The following SLIT2 variants were observed in gnomAD, a reference collection of about 807,000 sequenced individuals.
The protein encoded by SLIT2 is slit homolog 2 protein.
SLIT2 carries 41 observed loss-of-function variants against 185.7 expected under a neutral mutation model. The observed-to-expected ratio is 0.22, with a 90% CI of 0.17 to 0.29. The LOEUF (loss-of-function observed/expected upper bound fraction) is 0.29, where lower values mean the gene tolerates loss of function less well. Ranked by LOEUF, SLIT2 falls within the 10% of genes least tolerant of loss-of-function variation. The pLI is 1.00. For synonymous variants in SLIT2, 693 were observed against 680.2 expected (o/e 1.02, Z -0.29); for missense variants, 1,571 against 1,909.0 (o/e 0.82, Z 3.30).
chr4:20,551,604 G>A (rs1560188464), intron 25 of SLIT2, among the ~76,000 whole-genome samples: 1 of 152,136 alleles, frequency 6.6e-6, no homozygotes, highest in Non-Finnish European at 1.5e-5. Context: ...TCAGCCAGCA[G>A]CCTTAGGATC....
At chr4:20,299,721 C>T (rs751065101) in intron 4 of SLIT2, among the ~76,000 whole-genome samples, 3 of 151,382 alleles carry the variant, frequency 2.0e-5, no homozygotes, top group South Asian at 2.1e-4. Context: ...TTTTAAGGCC[C>T]GACAGGGGGA....
At chr4:20,363,535 A>G (rs965863824) in intron 4 of SLIT2, among the ~76,000 whole-genome samples, 1 of 152,222 alleles carries the variant, frequency 6.6e-6, no homozygotes, top group Non-Finnish European at 1.5e-5. Flanking sequence ...TTCTTACAAC[A>G]CAGCAATGTA....
chr4:20,421,443 C>T (rs1028554377), intron 4 of SLIT2, among the ~76,000 whole-genome samples: 5 of 152,144 alleles, frequency 3.3e-5, no homozygotes, highest in African/African-American at 1.2e-4. Context: ...TATGTCTCTT[C>T]TTCATTGTTG....
chr4:20,445,573 C>A (rs1711674049), intron 4 of SLIT2, among the ~76,000 whole-genome samples: 1 of 152,188 alleles, frequency 6.6e-6, no homozygotes, highest in South Asian at 2.1e-4. Flanking sequence ...TGATCCCCAG[C>A]ACACTTTAAT....
intron 4 of SLIT2, among the ~76,000 whole-genome samples, chr4:20,305,200 T>C (rs1717425659): frequency 6.6e-6 from 1 of 152,186 alleles, no homozygotes; most frequent in Non-Finnish European, 1.5e-5. Flanking sequence ...TTGGTTATCA[T>C]GTACCCCTGT....
At chr4:20,312,845 CCTT>C (rs1284791996) in intron 4 of SLIT2, among the ~76,000 whole-genome samples, 1 of 150,276 alleles carries the variant, frequency 6.7e-6, no homozygotes, top group East Asian at 1.9e-4. Flanking sequence ...ATATTTTAGT[CCTT>C]CTTTAAATGG....
intron 26 of SLIT2, among the ~76,000 whole-genome samples, chr4:20,556,084 G>A (rs945201035): frequency 2.6e-5 from 4 of 151,970 alleles, no homozygotes; most frequent in Admixed American, 2.6e-4. Flanking sequence ...ATTTAAAGTT[G>A]AAAGTGAAAT....
At chr4:20,299,503 T>C (rs1411332736) in intron 4 of SLIT2, among the ~76,000 whole-genome samples, 2 of 152,192 alleles carry the variant, frequency 1.3e-5, no homozygotes, top group Non-Finnish European at 2.9e-5. Flanking sequence ...TTTCAATAAA[T>C]TGAAAATGAG....
intron 26 of SLIT2, among the ~76,000 whole-genome samples, chr4:20,565,189 C>T (rs1361467350): frequency 6.6e-6 from 1 of 151,928 alleles, no homozygotes; most frequent in Non-Finnish European, 1.5e-5. Context: ...TAAACCACAG[C>T]CTTACAAGGT....
At chr4:20,548,358 A>G in intron 22 of SLIT2, 130 bp from the exon 23 acceptor site, 2 of 602,448 alleles carry the variant, frequency 3.3e-6, no homozygotes, top group Non-Finnish European at 3.0e-6. Flanking sequence ...TCACTGTTTT[A>G]TTGTTTTCAG....
chr4:20,567,674 C>G (rs1725216929), intron 28 of SLIT2, 59 bp downstream of exon 28: 2 of 1,280,112 alleles, frequency 1.6e-6, no homozygotes, highest in Non-Finnish European at 2.3e-6. Context: ...ATAACTAAGC[C>G]AACATACATT....
At chr4:20,371,518 G>A (rs768839007) in intron 4 of SLIT2, among the ~76,000 whole-genome samples, 3 of 152,010 alleles carry the variant, frequency 2.0e-5, no homozygotes, top group Non-Finnish European at 2.9e-5. Context: ...TCCTGGGGCC[G>A]CTCTGCTCTC....
intron 9 of SLIT2, among the ~76,000 whole-genome samples, chr4:20,500,241 A>G (rs551660981): frequency 6.6e-6 from 1 of 152,358 alleles, no homozygotes; most frequent in East Asian, 1.9e-4. Context: ...ATTTTAAAAC[A>G]TAAACATATT....
intron 4 of SLIT2, among the ~76,000 whole-genome samples, chr4:20,341,009 A>G (rs775781659): frequency 6.6e-6 from 1 of 152,174 alleles, no homozygotes; most frequent in Non-Finnish European, 1.5e-5. Flanking sequence ...AGATAGCTAG[A>G]TAAGCCTTAC....
intron 3 of SLIT2, among the ~76,000 whole-genome samples, chr4:20,261,263 C>CTAG (rs1560263214): frequency 6.6e-6 from 1 of 151,786 alleles, no homozygotes; most frequent in Non-Finnish European, 1.5e-5. Flanking sequence ...TGTACTCTAC[C>CTAG]TAGATGACCA....
At chr4:20,541,640 C>A (rs771770610) in intron 20 of SLIT2, 21 bp downstream of exon 20, 3 of 1,608,260 alleles carry the variant, frequency 1.9e-6, no homozygotes, top group Non-Finnish European at 2.6e-6. Flanking sequence ...CTTATCAACT[C>A]TTTGATTGTC....
At chr4:20,338,765 A>G (rs1462537584) in intron 4 of SLIT2, among the ~76,000 whole-genome samples, 1 of 152,118 alleles carries the variant, frequency 6.6e-6, no homozygotes, top group African/African-American at 2.4e-5. Context: ...ACAAATACCA[A>G]CAATCTATTA....
chr4:20,431,818 G>A (rs1424846662), intron 4 of SLIT2, among the ~76,000 whole-genome samples: 1 of 152,230 alleles, frequency 6.6e-6, no homozygotes, highest in Non-Finnish European at 1.5e-5. Context: ...CTGATAAAAG[G>A]AGGAAAGTGA....
At chr4:20,473,662 C>A (rs760020948) in intron 5 of SLIT2, among the ~76,000 whole-genome samples, 7 of 151,884 alleles carry the variant, frequency 4.6e-5, no homozygotes, top group African/African-American at 7.3e-5. Flanking sequence ...CAGTTCTATC[C>A]CAGAGGCACA....
Sources: allele counts gnomAD v4.1 joint callset (sites outside exome capture counted in the v4.1 genomes callset), GRCh38; gene constraint gnomAD v4.1.1; transcripts MANE v1.5; gene names NCBI Gene and HGNC (gene_info 2026-07-23, HGNC 2026-07-21).